BNC2: variants seen among roughly 807,000 people sequenced by gnomAD.
The protein encoded by BNC2 is zinc finger protein basonuclin-2.
Under a neutral mutation model 76.3 loss-of-function variants are expected in BNC2, and 20 were observed. The observed-to-expected ratio is 0.26, with a 90% CI of 0.18 to 0.38. The LOEUF (loss-of-function observed/expected upper bound fraction) is 0.38, where lower values mean the gene tolerates loss of function less well. Ranked by LOEUF, BNC2 falls within the 10% of genes least tolerant of loss-of-function variation. The pLI, the probability that BNC2 is intolerant of heterozygous loss-of-function variation, is 1.00. For missense variants in BNC2, 1,382 were observed against 1,399.8 expected, an observed-to-expected ratio of 0.99 and a Z score of 0.20; for synonymous variants, 582 against 514.8, an observed-to-expected ratio of 1.13 and a Z score of -1.77.
chr9:16,832,401 T>A, intron 1 of BNC2: 1 of 805,924 alleles, frequency 1.2e-6, no homozygotes, highest in Non-Finnish European at 1.6e-6. Flanking sequence ...TTTAGAGGCC[T>A]AGAAGAGTTC....
chr9:16,745,715 AT>A (rs1824981068), intron 1 of BNC2, among the ~76,000 whole-genome samples: 1 of 152,246 alleles, frequency 6.6e-6, no homozygotes, highest in African/African-American at 2.4e-5. Flanking sequence ...TCTGATAAAA[AT>A]AACACTGAAT....
intron 5 of BNC2, among the ~76,000 whole-genome samples, chr9:16,533,274 T>A (rs1818035814): frequency 6.6e-6 from 1 of 152,328 alleles, no homozygotes; most frequent in Admixed American, 6.5e-5. Context: ...ACACCCTGCA[T>A]GCCTCTGGAA....
intron 3 of BNC2, among the ~76,000 whole-genome samples, chr9:16,716,759 G>A (rs1326446143): frequency 2.0e-5 from 3 of 152,166 alleles, no homozygotes; most frequent in Admixed American, 6.5e-5. Flanking sequence ...TTTACATTAT[G>A]TTTCATCATT....
At chr9:16,826,307 C>T (rs550038931) in intron 1 of BNC2, among the ~76,000 whole-genome samples, 9 of 149,910 alleles carry the variant, frequency 6.0e-5, no homozygotes, top group Non-Finnish European at 1.2e-4. Context: ...CAAGCCTGTG[C>T]CATATAGCTC....
At chr9:16,448,761 G>C (rs1263006115) in intron 5 of BNC2, among the ~76,000 whole-genome samples, 2 of 152,126 alleles carry the variant, frequency 1.3e-5, no homozygotes, top group African/African-American at 4.8e-5. Flanking sequence ...AGAACACAAA[G>C]ATTAATTTCC....
chr9:16,737,658 T>C (rs1006163710), intron 2 of BNC2, among the ~76,000 whole-genome samples: 1 of 151,794 alleles, frequency 6.6e-6, no homozygotes, highest in Admixed American at 6.6e-5. Flanking sequence ...TATACATACA[T>C]ATTTAAATCG....
chr9:16,553,092 T>G (rs1443619590), intron 4 of BNC2, among the ~76,000 whole-genome samples: 2 of 152,158 alleles, frequency 1.3e-5, no homozygotes, highest in African/African-American at 4.8e-5. Context: ...CCTCATTGAT[T>G]TGTTAACTGA....
chr9:16,777,163 GTAAA>G (rs887355399), intron 1 of BNC2, among the ~76,000 whole-genome samples: 110 of 151,690 alleles, frequency 7.3e-4, no homozygotes, highest in African/African-American at 2.4e-3. Flanking sequence ...AAAAATAAAA[GTAAA>G]TAAATAAATA....
At chr9:16,525,142 T>C (rs910747354) in intron 5 of BNC2, among the ~76,000 whole-genome samples, 2 of 116,446 alleles carry the variant, frequency 1.7e-5, no homozygotes, top group Admixed American at 8.4e-5. Context: ...TAGATAACAT[T>C]GATAACTAGA....
At chr9:16,701,010 A>G (rs1003657499) in intron 3 of BNC2, among the ~76,000 whole-genome samples, 2 of 152,202 alleles carry the variant, frequency 1.3e-5, no homozygotes, top group African/African-American at 4.8e-5. Context: ...CGCCAAGCAC[A>G]AGATAAACAA....
chr9:16,695,537 T>C, intron 3 of BNC2, among the ~76,000 whole-genome samples: 1 of 11,198 alleles, frequency 8.9e-5, no homozygotes, highest in East Asian at 2.5e-3. Context: ...TTTTCTTTCT[T>C]TTTTTTTTTT....
chr9:16,600,405 C>G (rs1262824723), intron 3 of BNC2, among the ~76,000 whole-genome samples: 1 of 152,156 alleles, frequency 6.6e-6, no homozygotes, highest in East Asian at 1.9e-4. Context: ...CACTGAGACA[C>G]AGCTGCCAGA....
intron 5 of BNC2, among the ~76,000 whole-genome samples, chr9:16,499,285 G>C (rs1822467426): frequency 6.6e-6 from 1 of 151,976 alleles, no homozygotes; most frequent in Non-Finnish European, 1.5e-5. Context: ...ACTTTTTTGA[G>C]GTCAATGTGG....
chr9:16,824,601 C>T (rs1818410425), intron 1 of BNC2, among the ~76,000 whole-genome samples: 1 of 152,126 alleles, frequency 6.6e-6, no homozygotes, highest in African/African-American at 2.4e-5. Flanking sequence ...GGCCCCCAGG[C>T]ACCTCGAACC....
intron 5 of BNC2, 122 bp from the exon 6 acceptor site, chr9:16,437,646 A>T (rs957479223): frequency 1.7e-6 from 2 of 1,180,772 alleles, no homozygotes; most frequent in Admixed American, 4.4e-5. Context: ...AGCAGAAAAC[A>T]ACATGCAAGC....
chr9:16,699,299 GA>G (rs1563904779), intron 3 of BNC2: 1 of 440,574 alleles, frequency 2.3e-6, no homozygotes, highest in Non-Finnish European at 4.6e-6. Flanking sequence ...CAGGCCAACA[GA>G]ATAGTCCCTT....
At chr9:16,801,538 A>G (rs1817779345) in intron 1 of BNC2, among the ~76,000 whole-genome samples, 1 of 151,860 alleles carries the variant, frequency 6.6e-6, no homozygotes, top group Admixed American at 6.6e-5. Context: ...GGCCAGCCCC[A>G]TTCCTCACCT....
chr9:16,456,810 CAG>C (rs1193231443), intron 5 of BNC2, among the ~76,000 whole-genome samples: 1 of 151,968 alleles, frequency 6.6e-6, no homozygotes, highest in Admixed American at 6.6e-5. Flanking sequence ...AGAAGTGGGA[CAG>C]TGGTGGAATA....
chr9:16,739,718 G>C (rs1159037507), intron 1 of BNC2, among the ~76,000 whole-genome samples: 1 of 150,770 alleles, frequency 6.6e-6, no homozygotes, highest in African/African-American at 2.4e-5. Flanking sequence ...AATACGGCTG[G>C]AGAAAAAAAA....
Sources: allele counts gnomAD v4.1 joint callset (sites outside exome capture counted in the v4.1 genomes callset), GRCh38; gene constraint gnomAD v4.1.1; transcripts MANE v1.5; gene names NCBI Gene and HGNC (gene_info 2026-07-23, HGNC 2026-07-21).